CTNNA3: variants seen among roughly 807,000 people sequenced by gnomAD.
The protein encoded by CTNNA3 is catenin alpha 3.
CTNNA3 carries 76 observed loss-of-function variants against 95.7 expected under a neutral mutation model. That is an observed-to-expected ratio of 0.79 (90% CI 0.66 to 0.96). The LOEUF (loss-of-function observed/expected upper bound fraction) is 0.96, where lower values mean the gene tolerates loss of function less well. Ranked by LOEUF, CTNNA3 falls within the 40% of genes least tolerant of loss-of-function variation. The pLI, the probability that CTNNA3 is intolerant of heterozygous loss-of-function variation, is 0.00. For synonymous variants in CTNNA3, 431 were observed against 374.4 expected (o/e 1.15, Z -1.74); for missense variants, 1,191 against 1,089.8 (o/e 1.09, Z -1.31).
At chr10:67,170,581 C>T (rs1196620053) in intron 7 of CTNNA3, among the ~76,000 whole-genome samples, 8 of 152,102 alleles carry the variant, frequency 5.3e-5, no homozygotes, top group Admixed American at 5.2e-4. Flanking sequence ...AACTTATAAA[C>T]ACAAAGAAGA....
At chr10:67,539,393 T>C (rs1840590208) in intron 4 of CTNNA3, 110 bp downstream of exon 4, 7 of 1,127,702 alleles carry the variant, frequency 6.2e-6, no homozygotes, top group Non-Finnish European at 9.1e-6. Context: ...GAAGGGGTGA[T>C]GTTAAGAAAT....
chr10:66,805,574 T>TG (rs902964970), intron 7 of CTNNA3, among the ~76,000 whole-genome samples: 10 of 150,774 alleles, frequency 6.6e-5, no homozygotes, highest in African/African-American at 7.3e-5. Flanking sequence ...TGGTAATTTA[T>TG]GGGGGGGAGA....
At chr10:66,723,282 A>T (rs1003471947) in intron 9 of CTNNA3, among the ~76,000 whole-genome samples, 1 of 152,152 alleles carries the variant, frequency 6.6e-6, no homozygotes, top group Non-Finnish European at 1.5e-5. Flanking sequence ...ATCTTTTGAA[A>T]TGTTGTTGAA....
At chr10:66,770,315 GC>G (rs1270672389) in intron 8 of CTNNA3, among the ~76,000 whole-genome samples, 2 of 152,054 alleles carry the variant, frequency 1.3e-5, no homozygotes, top group East Asian at 3.9e-4. Flanking sequence ...ATTTATTTCC[GC>G]ATTATTTTCC....
intron 11 of CTNNA3, among the ~76,000 whole-genome samples, chr10:66,488,834 A>G (rs543278281): frequency 2.6e-5 from 4 of 152,246 alleles, no homozygotes; most frequent in South Asian, 4.2e-4. Flanking sequence ...AGGTAGGGGA[A>G]AGATAAAATT....
chr10:66,268,720 T>C (rs2091212088), intron 13 of CTNNA3, among the ~76,000 whole-genome samples: 1 of 152,174 alleles, frequency 6.6e-6, no homozygotes, highest in Non-Finnish European at 1.5e-5. Flanking sequence ...ATTCACCAGC[T>C]CCTTTGCAGT....
chr10:67,207,012 T>A (rs1030601581), intron 6 of CTNNA3, among the ~76,000 whole-genome samples: 12 of 151,948 alleles, frequency 7.9e-5, no homozygotes, highest in African/African-American at 2.9e-4. Flanking sequence ...GCGCCTGTAA[T>A]ACCAGCTACT....
In CTNNA3 at chr10:67,679,846, T is replaced by C. The variant is rs547949233; in HGVS notation, c.-6+16154A>G. 1.4e-4 allele frequency among the ~76,000 whole-genome samples: 21 copies of C among 152,334 alleles called. 1 individual carries two copies. The South Asian group carries it at 3.9e-3, about 29-fold the overall frequency. Reference sequence around the variant, plus strand: ...CTGGCAGTATCCACAAAATTTTATATGCACGAATTATTGAACAAAGTAATG... The same window carrying C: ...CTGGCAGTATCCACAAAATTTTATACGCACGAATTATTGAACAAAGTAATG... On this transcript the variant is annotated intron_variant, in intron 1 of 17. Coordinates refer to ENST00000433211, the MANE Select transcript of CTNNA3 (RefSeq NM_013266.4).
chr10:67,510,570 A>G (rs1008390909), intron 5 of CTNNA3, among the ~76,000 whole-genome samples: 5 of 151,904 alleles, frequency 3.3e-5, no homozygotes, highest in African/African-American at 1.2e-4. Flanking sequence ...TTTTGGTACC[A>G]GTACCATGCT....
chr10:66,428,430 C>T (rs1341178477), intron 11 of CTNNA3, among the ~76,000 whole-genome samples: 3 of 152,120 alleles, frequency 2.0e-5, no homozygotes, highest in Non-Finnish European at 2.9e-5. Flanking sequence ...AACTCTCCAC[C>T]CCAAATCAAC....
intron 6 of CTNNA3, among the ~76,000 whole-genome samples, chr10:67,203,973 T>C (rs1863765251): frequency 6.6e-6 from 1 of 152,160 alleles, no homozygotes; most frequent in African/African-American, 2.4e-5. Context: ...GTTCCAAGTC[T>C]TGTGACTGCT....
intron 7 of CTNNA3, among the ~76,000 whole-genome samples, chr10:66,887,980 T>G (rs1845107364): frequency 3.9e-5 from 6 of 152,142 alleles, no homozygotes; most frequent in Admixed American, 3.9e-4. Flanking sequence ...CCAAAAGGAC[T>G]GTGCAGATGT....
intron 15 of CTNNA3, among the ~76,000 whole-genome samples, chr10:66,042,899 CAAAAA>C (rs60090636): frequency 1.3e-3 from 64 of 50,392 alleles, no homozygotes; most frequent in African/African-American, 4.2e-3. Context: ...GACTCTGTCT[CAAAAA>C]AAAAAAAAAA....
At chr10:66,277,231 A>G (rs183653125) in intron 13 of CTNNA3, among the ~76,000 whole-genome samples, 5 of 152,262 alleles carry the variant, frequency 3.3e-5, no homozygotes, top group Admixed American at 3.3e-4. Flanking sequence ...ATAAAACCCT[A>G]TAAAATGCCA....
At chr10:67,604,803 C>T in intron 3 of CTNNA3, among the ~76,000 whole-genome samples, 1 of 152,116 alleles carries the variant, frequency 6.6e-6, no homozygotes, top group East Asian at 1.9e-4. Flanking sequence ...AGATGATGAT[C>T]AAGAACAAGG....
intron 7 of CTNNA3, among the ~76,000 whole-genome samples, chr10:67,172,873 G>A (rs185880127): frequency 1.3e-5 from 2 of 151,964 alleles, no homozygotes; most frequent in East Asian, 3.9e-4. Context: ...TGCTCGAAAG[G>A]CTGAGGCAGG....
chr10:66,002,425 C>T (rs893825277), intron 15 of CTNNA3, among the ~76,000 whole-genome samples: 2 of 152,134 alleles, frequency 1.3e-5, no homozygotes, highest in Non-Finnish European at 2.9e-5. Context: ...AAAGGAATTG[C>T]TCCATGAAAG....
chr10:66,374,361 G>A (rs2092777111), intron 12 of CTNNA3, among the ~76,000 whole-genome samples: 2 of 152,176 alleles, frequency 1.3e-5, no homozygotes, highest in Non-Finnish European at 2.9e-5. Flanking sequence ...TGGCATTTGA[G>A]AAAGTGTTTA....
intron 5 of CTNNA3, among the ~76,000 whole-genome samples, chr10:67,230,555 T>C (rs1865143996): frequency 6.6e-6 from 1 of 152,070 alleles, no homozygotes; most frequent in African/African-American, 2.4e-5. Context: ...GACAAAGGAC[T>C]AATATCCAGA....
Sources: allele counts gnomAD v4.1 joint callset (sites outside exome capture counted in the v4.1 genomes callset), GRCh38; gene constraint gnomAD v4.1.1; transcripts MANE v1.5; gene names NCBI Gene and HGNC (gene_info 2026-07-23, HGNC 2026-07-21).